Variants in OTUD7A observed in about 807,000 individuals in gnomAD.
OTUD7A encodes OTU deubiquitinase 7A, also known as OTU domain-containing protein 7A.
Under a neutral mutation model 65.7 loss-of-function variants are expected in OTUD7A, and 12 were observed. That is an observed-to-expected ratio of 0.18 (90% CI 0.12 to 0.30). The LOEUF is 0.30. Among genes scored for constraint, OTUD7A ranks in the 10% least tolerant of loss-of-function variants. The probability of loss-of-function intolerance (pLI) is 1.00; values close to 1 mark genes in which losing one functional copy is unlikely to be tolerated. For synonymous variants in OTUD7A, 641 were observed against 586.3 expected, an observed-to-expected ratio of 1.09 and a Z score of -1.35; for missense variants, 1,148 against 1,304.8, an observed-to-expected ratio of 0.88 and a Z score of 1.85.
At chr15:31,817,278 C>CG (rs1555421119) in intron 1 of OTUD7A, among the ~76,000 whole-genome samples, 3 of 146,810 alleles carry the variant, frequency 2.0e-5, no homozygotes, top group Admixed American at 1.4e-4. Flanking sequence ...ATCATTTGCC[C>CG]CCCCCCATCA....
At chr15:31,645,107 A>G (rs909075347) in intron 3 of OTUD7A, among the ~76,000 whole-genome samples, 1 of 152,088 alleles carries the variant, frequency 6.6e-6, no homozygotes, top group African/African-American at 2.4e-5. Flanking sequence ...TGGGACTCTA[A>G]GCTCTGTCTC....
chr15:31,540,760 C>T (rs1335558637), intron 5 of OTUD7A, among the ~76,000 whole-genome samples: 2 of 152,132 alleles, frequency 1.3e-5, no homozygotes, highest in Non-Finnish European at 2.9e-5. Flanking sequence ...AATGAGTGAA[C>T]CAAAATGCTT....
intron 1 of OTUD7A, among the ~76,000 whole-genome samples, chr15:31,695,276 T>C (rs1207121390): frequency 7.1e-6 from 1 of 140,528 alleles, no homozygotes; most frequent in East Asian, 2.0e-4. Flanking sequence ...TTTCATTTCC[T>C]TTGACTATAT....
chr15:31,731,154 T>C (rs1412494955), intron 1 of OTUD7A, among the ~76,000 whole-genome samples: 3 of 152,240 alleles, frequency 2.0e-5, no homozygotes, highest in East Asian at 1.9e-4. Context: ...GTGAATCATG[T>C]GCATTTTCTC....
intron 1 of OTUD7A, among the ~76,000 whole-genome samples, chr15:31,688,272 A>G (rs2141314991): frequency 6.6e-6 from 1 of 151,988 alleles, no homozygotes; most frequent in East Asian, 1.9e-4. Context: ...ACCTTAGCCC[A>G]GTGAACAAAC....
chr15:31,671,344 C>T (rs1892479397), intron 1 of OTUD7A, among the ~76,000 whole-genome samples: 1 of 152,158 alleles, frequency 6.6e-6, no homozygotes, highest in African/African-American at 2.4e-5. Flanking sequence ...TTCCCCATTG[C>T]TTGTTTTTGT....
At chr15:31,486,329 C>T (rs977235284) in intron 12 of OTUD7A, among the ~76,000 whole-genome samples, 3 of 152,146 alleles carry the variant, frequency 2.0e-5, no homozygotes, top group African/African-American at 4.8e-5. Context: ...GGGTATCAGT[C>T]CCTGCCTCAT....
At chr15:31,826,520 T>C (rs981548279) in intron 1 of OTUD7A, among the ~76,000 whole-genome samples, 1 of 152,228 alleles carries the variant, frequency 6.6e-6, no homozygotes, top group African/African-American at 2.4e-5. Flanking sequence ...AGGCCTGTGA[T>C]AGGAGGGGCT....
At chr15:31,714,103 T>C (rs1402057467) in intron 1 of OTUD7A, among the ~76,000 whole-genome samples, 1 of 145,040 alleles carries the variant, frequency 6.9e-6, no homozygotes, top group Non-Finnish European at 1.5e-5. Flanking sequence ...ACATCCCCTG[T>C]AAGCCAGTAC....
chr15:31,477,616 G>A lies in OTUD7A; in HGVS notation c.*5678C>T, dbSNP rs2041042891. On this transcript the variant is annotated 3_prime_UTR_variant, in exon 13 of 13. Transcript: ENST00000307050. ...ATAGAACCTAGATTTGATGAAAGCT[G>A]AAATTGACATTTTCTGGCCTCTTAA... The A allele has an allele frequency of 6.6e-6, 1 of 152,190 alleles. No homozygotes were observed. Among genetic ancestry groups the A allele is most frequent in the Admixed American group, 6.5e-5 (1 of 15,272 alleles). 9.4% of individuals were successfully genotyped at this position (152,190 alleles called of 1,614,324 possible).
At chr15:31,657,974 C>A (rs1393394721) in intron 1 of OTUD7A, among the ~76,000 whole-genome samples, 1 of 152,148 alleles carries the variant, frequency 6.6e-6, no homozygotes, top group Admixed American at 6.5e-5. Flanking sequence ...TCTCATCAGC[C>A]ACCCCAGGGA....
chr15:31,798,171 T>C (rs1245817895), intron 1 of OTUD7A, among the ~76,000 whole-genome samples: 2 of 152,094 alleles, frequency 1.3e-5, no homozygotes, highest in East Asian at 1.9e-4. Context: ...TGCTAAGGTA[T>C]TGGGTAACGT....
chr15:31,516,404 C>A (rs542185371), intron 8 of OTUD7A, among the ~76,000 whole-genome samples: 3 of 152,086 alleles, frequency 2.0e-5, no homozygotes, highest in African/African-American at 7.2e-5. Context: ...CAGGGGGTGG[C>A]GGAGAGGATC....
chr15:31,558,910 G>A, intron 5 of OTUD7A, 59 bp downstream of exon 5: 1 of 1,566,386 alleles, frequency 6.4e-7, no homozygotes, highest in East Asian at 2.3e-5. Context: ...GAGTAGGTTA[G>A]GCCAGCTCAC....
intron 1 of OTUD7A, among the ~76,000 whole-genome samples, chr15:31,869,751 A>G (rs1897975020): frequency 6.6e-6 from 1 of 152,228 alleles, no homozygotes; most frequent in Non-Finnish European, 1.5e-5. Context: ...AAAGGGCTGC[A>G]ATAGCTTCAC....
chr15:31,608,021 G>A (rs1473501802), intron 3 of OTUD7A, among the ~76,000 whole-genome samples: 1 of 152,212 alleles, frequency 6.6e-6, no homozygotes, highest in African/African-American at 2.4e-5. Context: ...GGCTGAGGCA[G>A]GCGGATCATG....
intron 1 of OTUD7A, among the ~76,000 whole-genome samples, chr15:31,856,370 T>C (rs1897573062): frequency 6.6e-6 from 1 of 152,226 alleles, no homozygotes; most frequent in African/African-American, 2.4e-5. Flanking sequence ...TTGCTGAACT[T>C]ATTCTTTTAA....
intron 3 of OTUD7A, among the ~76,000 whole-genome samples, chr15:31,605,970 C>T (rs1417607468): frequency 6.6e-6 from 1 of 152,178 alleles, no homozygotes; most frequent in African/African-American, 2.4e-5. Flanking sequence ...ATCAACAGGC[C>T]TTTCTGTATA....
At position 31,484,345 on chromosome 15, in the gene OTUD7A, G is replaced by C; in HGVS notation, c.1751C>G (p.Ala584Gly). The C allele has an allele frequency of 6.2e-7, 1 of 1,600,792 alleles. No homozygotes were observed. Among genetic ancestry groups the C allele is most frequent in the Non-Finnish European group, 8.5e-7 (1 of 1,179,406 alleles). The part of the protein sequence containing the change: ...SRKGSKEESG[A>G]SASTSPSEKT... ...TTCCGACGGCGACGTGCTGGCCGAC[G>C]CACCAGACTCCTCCTTGCTGCCCTT... Residue 584 changes from alanine to glycine, a missense_variant, in exon 13 of 13, where the codon GCG becomes GGG. Ala to Gly is a moderately conservative substitution (Grantham distance 60). Coordinates refer to ENST00000307050, the MANE Select transcript of OTUD7A (RefSeq NM_001382637.1). This position sits in a 1 kb window ranked among gnomAD's most constrained non-coding sequence, Gnocchi z 4.5.
Sources: allele counts gnomAD v4.1 joint callset (sites outside exome capture counted in the v4.1 genomes callset), GRCh38; gene constraint gnomAD v4.1.1; non-coding constraint Gnocchi (gnomAD v3.1); transcripts MANE v1.5; gene names NCBI Gene and HGNC (gene_info 2026-07-23, HGNC 2026-07-21).